GSE1: variants seen among roughly 807,000 people sequenced by gnomAD.
GSE1 encodes genetic suppressor element 1.
A neutral mutation model predicts 112.6 loss-of-function variants in GSE1; 32 were observed. The observed-to-expected ratio is 0.28, with a 90% CI of 0.21 to 0.38. GSE1 has a LOEUF of 0.38. Ranked by LOEUF, GSE1 falls within the 10% of genes least tolerant of loss-of-function variation. The pLI is 1.00. For missense variants in GSE1, 2,348 were observed against 1,699.2 expected, an observed-to-expected ratio of 1.38 and a Z score of -6.71; for synonymous variants, 1,115 against 735.6, an observed-to-expected ratio of 1.52 and a Z score of -8.35.
chr16:85,398,862 G>A (rs1423009007), intron 2 of GSE1, among the ~76,000 whole-genome samples: 2 of 152,122 alleles, frequency 1.3e-5, no homozygotes, highest in African/African-American at 4.8e-5. Flanking sequence ...CATGTATAAT[G>A]CATGTCGAGT....
At chr16:85,474,528 G>A (rs12931632) in intron 2 of GSE1, among the ~76,000 whole-genome samples, 87,111 of 151,750 alleles carry the variant, frequency 0.57, 25,033 homozygotes, top group East Asian at 0.62. Context: ...ATTAAACCCG[G>A]GTGCCTGTGC....
chr16:85,317,465 C>T (rs538313078), intron 1 of GSE1, among the ~76,000 whole-genome samples: 112 of 152,248 alleles, frequency 7.4e-4, no homozygotes, highest in African/African-American at 2.3e-3. Flanking sequence ...AACCCCCCTA[C>T]GAGTCCCAGC....
At chr16:85,207,602 G>A (rs956265623) in intron 1 of GSE1, among the ~76,000 whole-genome samples, 1 of 152,214 alleles carries the variant, frequency 6.6e-6, no homozygotes, top group Non-Finnish European at 1.5e-5. Context: ...CCCTGCAGGC[G>A]CTGGTGTGAG....
chr16:85,620,432 T>C (rs562906662), intron 1 of GSE1, among the ~76,000 whole-genome samples: 2 of 152,378 alleles, frequency 1.3e-5, no homozygotes, highest in South Asian at 4.1e-4. Context: ...ATTTTTTCCA[T>C]TCACTTAAAT....
At chr16:85,182,905 A>G (rs1417488488) in intron 1 of GSE1, among the ~76,000 whole-genome samples, 1 of 151,698 alleles carries the variant, frequency 6.6e-6, no homozygotes, top group African/African-American at 2.4e-5. Flanking sequence ...TCTCGCACAC[A>G]CGCACCTTGC....
intron 1 of GSE1, among the ~76,000 whole-genome samples, chr16:85,563,583 A>C (rs1049269145): frequency 5.3e-5 from 8 of 152,168 alleles, no homozygotes; most frequent in Non-Finnish European, 1.2e-4. Flanking sequence ...ATCCCACCCC[A>C]TTCTGGAGCT....
At chr16:85,329,865 G>A (rs1038830479) in intron 1 of GSE1, among the ~76,000 whole-genome samples, 5 of 149,406 alleles carry the variant, frequency 3.3e-5, no homozygotes, top group African/African-American at 1.2e-4. Context: ...GCGGAGGGCA[G>A]GAGGGGAAAG....
chr16:85,605,795 C>T (rs754693863), intron 1 of GSE1, among the ~76,000 whole-genome samples: 10 of 151,928 alleles, frequency 6.6e-5, no homozygotes, highest in African/African-American at 9.7e-5. Flanking sequence ...CTGCCCGTAG[C>T]GAGCCGGATA....
intron 14 of GSE1, among the ~76,000 whole-genome samples, chr16:85,669,690 C>T (rs905716148): frequency 6.6e-6 from 1 of 152,126 alleles, no homozygotes; most frequent in Non-Finnish European, 1.5e-5. Context: ...ATTTCCATAC[C>T]CCATGGCTGT....
chr16:85,227,719 G>A (rs1424857522), intron 1 of GSE1, among the ~76,000 whole-genome samples: 1 of 152,200 alleles, frequency 6.6e-6, no homozygotes, highest in Non-Finnish European at 1.5e-5. Context: ...TTTCAGGGCA[G>A]CCGCAGGCTC....
chr16:85,643,239 ACTC>A (rs2050589101), intron 2 of GSE1, among the ~76,000 whole-genome samples: 1 of 151,942 alleles, frequency 6.6e-6, no homozygotes. Flanking sequence ...CATTGACTTA[ACTC>A]CTGGCTGAAT....
At chr16:85,623,290 A>AG (rs890289423) in intron 1 of GSE1, among the ~76,000 whole-genome samples, 1 of 151,286 alleles carries the variant, frequency 6.6e-6, no homozygotes, top group Non-Finnish European at 1.5e-5. Flanking sequence ...TCACAACTCA[A>AG]GGCAGCCTCA....
At chr16:85,510,166 G>T (rs2051686091) in intron 2 of GSE1, among the ~76,000 whole-genome samples, 1 of 152,182 alleles carries the variant, frequency 6.6e-6, no homozygotes, top group Non-Finnish European at 1.5e-5. Context: ...ATCATTAGGG[G>T]GCCGCTCAGC....
chr16:85,495,998 G>A (rs906217724), intron 2 of GSE1, among the ~76,000 whole-genome samples: 2 of 152,188 alleles, frequency 1.3e-5, no homozygotes, highest in South Asian at 2.1e-4. Flanking sequence ...GCCGCGGGGG[G>A]ACCTGCCTCA....
rs563524823 is a variant in GSE1, at chr16:85,674,283, C to CAGTT, written c.*1745_*1748dup. 3 of 152,392 alleles carry CAGTT rather than the reference C, an allele frequency of 2.0e-5. No homozygotes were observed. In the South Asian group the frequency reaches 6.2e-4, roughly 32 times the overall value. The allele number at this position is 152,392 out of a possible 1,614,324, so 9.4% of individuals were successfully genotyped here. A position where few individuals can be genotyped will look rare whatever the true frequency, so the allele number is the denominator to read the frequency against. On this transcript the variant is annotated 3_prime_UTR_variant, in exon 16 of 16. Coordinates refer to ENST00000253458, the MANE Select transcript of GSE1 (RefSeq NM_014615.5). ...TCGTGTCGCTTTATCTGCCCCCGCA[C>CAGTT]AGTTTGCTTTGTACGTCTGCCAAGA... is the stretch of plus-strand genomic sequence containing the variant.
At chr16:85,210,147 A>G (rs1597806734) in intron 1 of GSE1, among the ~76,000 whole-genome samples, 1 of 152,314 alleles carries the variant, frequency 6.6e-6, no homozygotes, top group East Asian at 1.9e-4. Context: ...CTTTACTGAA[A>G]CCATTTGTCA....
chr16:85,411,229 T>C (rs13332939), intron 2 of GSE1, among the ~76,000 whole-genome samples: 7 of 14,848 alleles, frequency 4.7e-4, no homozygotes, highest in African/African-American at 1.2e-3. Flanking sequence ...TAATCCTCAC[T>C]GTTACACTCA....
intron 1 of GSE1, among the ~76,000 whole-genome samples, chr16:85,622,585 G>T (rs2048810312): frequency 6.6e-6 from 1 of 152,234 alleles, no homozygotes; most frequent in Non-Finnish European, 1.5e-5. Context: ...TGCAGTAGGT[G>T]TATTTTCCTG....
exon 1 of GSE1, chr16:85,170,844 C>T: frequency 1.0e-6 from 1 of 985,542 alleles, no homozygotes; most frequent in African/African-American, 1.7e-5. Flanking sequence ...AGCTGGCCAA[C>T]GTGCCAGTCC....
Sources: allele counts gnomAD v4.1 joint callset (sites outside exome capture counted in the v4.1 genomes callset), GRCh38; gene constraint gnomAD v4.1.1; transcripts MANE v1.5; gene names NCBI Gene and HGNC (gene_info 2026-07-23, HGNC 2026-07-21).